HIVEP3: variants seen among roughly 807,000 people sequenced by gnomAD.
HIVEP3 encodes the protein HIVEP zinc finger 3.
In HIVEP3, 49 loss-of-function variants were observed where a neutral mutation model predicts 152.8. The ratio of observed to expected loss-of-function variants is 0.32; its 90% CI spans 0.26 to 0.41. The LOEUF (loss-of-function observed/expected upper bound fraction) is 0.41. HIVEP3 is among the 10% of genes least tolerant of loss of function. HIVEP3 has a pLI of 1.00. For missense variants in HIVEP3, 2,790 were observed against 3,103.3 expected (o/e 0.90, Z 2.40); for synonymous variants, 1,269 against 1,289.0 (o/e 0.98, Z 0.33).
Position 41,513,052 on chromosome 1 carries a change from C to T in HIVEP3, c.6169G>A (p.Gly2057Ser). 3 of 1,613,786 alleles carry T rather than the reference C, an allele frequency of 1.9e-6. No homozygotes were observed. Among genetic ancestry groups the T allele is most frequent in the Non-Finnish European group, 2.5e-6 (3 of 1,179,974 alleles). Residue 2057 changes from glycine to serine, a missense_variant, in exon 8 of 9, where the codon GGT (glycine) becomes AGT (serine). Transcript: ENST00000372583. ...CTGGGGAGGCCTGGGTCGGTGGTAC[C>T]CTCGAGTTTGGAGAGCACATGTGCT... ...PRAHVLSKLE[G>S]TTDPGLPRYS... is the part of the protein sequence containing the mutation.
intron 1 of HIVEP3, among the ~76,000 whole-genome samples, chr1:41,786,098 G>A (rs1649332991): frequency 6.6e-6 from 1 of 152,236 alleles, no homozygotes; most frequent in Admixed American, 6.5e-5. Context: ...TGCATGCAGA[G>A]TCACAGCCGG....
intron 1 of HIVEP3, among the ~76,000 whole-genome samples, chr1:42,022,549 A>G (rs1381028334): frequency 6.6e-6 from 1 of 152,236 alleles, no homozygotes; most frequent in Non-Finnish European, 1.5e-5. Context: ...ACAATCTCCC[A>G]AGTAGGCTGT....
At chr1:42,012,822 G>A (rs1432438379) in intron 1 of HIVEP3, among the ~76,000 whole-genome samples, 1 of 152,170 alleles carries the variant, frequency 6.6e-6, no homozygotes, top group Non-Finnish European at 1.5e-5. Context: ...GCTGGCATCT[G>A]ATCTTGGACT....
In HIVEP3 at chr1:41,582,006, C is replaced by T; in HGVS notation, c.2792G>A (p.Ser931Asn). 6.2e-7 allele frequency: 1 copy of T among 1,614,128 alleles called. No homozygotes were observed. Among genetic ancestry groups the T allele is most frequent in the South Asian group, 1.1e-5 (1 of 91,070 alleles). Residue 931 changes from serine to asparagine, a missense_variant, in exon 4 of 9, where the codon AGC becomes AAC. Around this residue, in one of 9 missense-constraint regions of HIVEP3, gnomAD observed 1,078 missense variants for 1,165.3 expected, o/e 0.93. Transcript: ENST00000372583. This position sits in a 1 kb window ranked among gnomAD's most constrained non-coding sequence, Gnocchi z 4.7. ...SFESSVPLSR[S>N]PSQESNVSLS... ...AGAGACATTGCTTTCCTGGCTCGGG[C>T]TGCGAGACAGAGGCACAGAGGACTC...
chr1:41,545,408 T>TACC (rs57520011), intron 5 of HIVEP3, among the ~76,000 whole-genome samples: 85,562 of 87,596 alleles, frequency 0.98, 41,774 homozygotes, highest in Non-Finnish European at 0.99. Flanking sequence ...CTACCACCAA[T>TACC]ACCACCATCG....
At chr1:41,976,027 T>C (rs1405728102) in intron 1 of HIVEP3, among the ~76,000 whole-genome samples, 1 of 151,772 alleles carries the variant, frequency 6.6e-6, no homozygotes, top group Non-Finnish European at 1.5e-5. Flanking sequence ...GAAATTCATC[T>C]CAAAACTAGT....
Position 41,512,980 on chromosome 1 carries a change from G to T in HIVEP3, c.6241C>A (p.Pro2081Thr). Residue 2081 changes from proline to threonine, a missense_variant, in exon 8 of 9, where the codon CCA becomes ACA. Physicochemically the swap from Pro to Thr is conservative, Grantham distance 38. This residue lies in a region of HIVEP3 where 816 missense variants were observed against 806.5 expected (regional missense o/e 1.01). Transcript: ENST00000372583. ...CACTTCCCTGGCGGCGCTGACCGTG[G>T]TGGTGACTCGGCCTGACCTGGAGAC... ...RWSPGQAESP[P>T]RSAPPGKWAL... 1 of 1,613,224 alleles carries T rather than the reference G, an allele frequency of 6.2e-7. No individual in the cohort carries two copies. Among genetic ancestry groups the T allele is most frequent in the Non-Finnish European group, 8.5e-7 (1 of 1,179,712 alleles).
intron 1 of HIVEP3, among the ~76,000 whole-genome samples, chr1:41,929,506 A>C (rs374503742): frequency 9.2e-5 from 14 of 151,944 alleles, no homozygotes; most frequent in Middle Eastern, 3.4e-3. Flanking sequence ...GTTTCCAAGA[A>C]GTCCTGGCTC....
Position 41,694,366 on chromosome 1 carries a change from C to T in HIVEP3, c.-721+6550G>A, listed in dbSNP as rs183475309. Among the ~76,000 whole-genome samples, 7 of 152,244 alleles carry T rather than the reference C, an allele frequency of 4.6e-5. No individual in the cohort carries two copies. The East Asian group carries it at 7.7e-4, about 17-fold the overall frequency. ...TAATTACTGCTTAGACAGTGAGCTC[C>T]TTGAAGGCAGGTTCCTTGCATGGCC... On this transcript the variant is annotated intron_variant, in intron 2 of 8. Transcript: ENST00000372583.
intron 1 of HIVEP3, among the ~76,000 whole-genome samples, chr1:41,784,489 A>T (rs1032725954): frequency 6.6e-6 from 1 of 152,194 alleles, no homozygotes; most frequent in East Asian, 1.9e-4. Context: ...ACTGGACAGC[A>T]TTGCTCCAGA....
At chr1:41,997,856 C>T (rs956277493) in intron 1 of HIVEP3, among the ~76,000 whole-genome samples, 3 of 152,120 alleles carry the variant, frequency 2.0e-5, no homozygotes, top group African/African-American at 7.2e-5. Flanking sequence ...TGTGAGAACT[C>T]GAAGGGGCTA....
At chr1:41,856,803 G>T (rs1643780785) in intron 1 of HIVEP3, among the ~76,000 whole-genome samples, 1 of 152,140 alleles carries the variant, frequency 6.6e-6, no homozygotes. Flanking sequence ...GCATAAGTGA[G>T]CCTGGTGTGG....
At chr1:41,574,361 G>A (rs1558073800) in intron 5 of HIVEP3, among the ~76,000 whole-genome samples, 1 of 152,178 alleles carries the variant, frequency 6.6e-6, no homozygotes, top group East Asian at 1.9e-4. Flanking sequence ...TTGGTTCAGT[G>A]TTTTTTCAAC....
intron 1 of HIVEP3, among the ~76,000 whole-genome samples, chr1:42,023,488 A>C (rs1272407144): frequency 6.6e-6 from 1 of 152,138 alleles, no homozygotes; most frequent in Non-Finnish European, 1.5e-5. Flanking sequence ...CTCACATCTA[A>C]TCATAATCCC....
At chr1:41,670,474 C>T (rs1320604797) in intron 2 of HIVEP3, among the ~76,000 whole-genome samples, 1 of 152,112 alleles carries the variant, frequency 6.6e-6, no homozygotes, top group Non-Finnish European at 1.5e-5. Context: ...TTGGCTGGGC[C>T]CTGTTCTAGG....
chr1:41,584,497 T>G lies in HIVEP3; in HGVS notation c.301A>C (p.Thr101Pro), dbSNP rs1377336856. ...HISQLPQHPL[T>P]PAFMSPGKPE... is the part of the protein sequence containing the mutation. The stretch of plus-strand genomic sequence containing the variant: ...TTGCCAGGCGACATGAATGCTGGTG[T>G]CAGAGGGTGCTGCGGAAGCTGTGAG... The change falls in exon 4 of 9, where the codon ACA (threonine) becomes CCA (proline). Residue 101 changes from threonine (T) to proline (P), a missense_variant. Transcript: ENST00000372583. This position sits in a 1 kb window ranked among gnomAD's most constrained non-coding sequence, Gnocchi z 5.2. 1.2e-6 allele frequency: 2 copies of G among 1,614,026 alleles called. No individual in the cohort carries two copies. Among genetic ancestry groups the G allele is most frequent in the Admixed American group, 3.3e-5 (2 of 60,018 alleles).
At chr1:41,737,089 G>A (rs975954786) in intron 1 of HIVEP3, among the ~76,000 whole-genome samples, 2 of 152,032 alleles carry the variant, frequency 1.3e-5, no homozygotes, top group Non-Finnish European at 2.9e-5. Context: ...GGCTCCCCTC[G>A]TTCCCCGCTC....
At chr1:41,613,508 A>C (rs1362263202) in intron 3 of HIVEP3, among the ~76,000 whole-genome samples, 1 of 152,238 alleles carries the variant, frequency 6.6e-6, no homozygotes, top group Non-Finnish European at 1.5e-5. Context: ...TGAATAAATA[A>C]ATAAATGAAT....
At chr1:41,940,537 G>A (rs1645040418) in intron 1 of HIVEP3, among the ~76,000 whole-genome samples, 2 of 152,196 alleles carry the variant, frequency 1.3e-5, no homozygotes, top group South Asian at 2.1e-4. Flanking sequence ...GAACTCTTAA[G>A]AGAACATACT....
Sources: allele counts gnomAD v4.1 joint callset (sites outside exome capture counted in the v4.1 genomes callset), GRCh38; gene constraint gnomAD v4.1.1; regional missense constraint gnomAD v4.1.1; non-coding constraint Gnocchi (gnomAD v3.1); transcripts MANE v1.5; gene names NCBI Gene and HGNC (gene_info 2026-07-23, HGNC 2026-07-21).